DISC1: variants seen among roughly 807,000 people sequenced by gnomAD.
The protein encoded by DISC1 is DISC1 scaffold protein.
A neutral mutation model predicts 84.5 loss-of-function variants in DISC1; 57 were observed. The ratio of observed to expected loss-of-function variants is 0.67; its 90% CI spans 0.55 to 0.84. The LOEUF is 0.84. DISC1 is among the 40% of genes least tolerant of loss of function. DISC1 has a pLI of 0.00. For missense variants in DISC1, 1,000 were observed against 1,057.8 expected, an observed-to-expected ratio of 0.95 and a Z score of 0.76; for synonymous variants, 411 against 415.2, an observed-to-expected ratio of 0.99 and a Z score of 0.12.
intron 10 of DISC1, among the ~76,000 whole-genome samples, chr1:231,969,601 T>TC (rs1245650948): frequency 5.5e-5 from 8 of 144,990 alleles, no homozygotes; most frequent in African/African-American, 2.0e-4. Flanking sequence ...TTTCTTTCTT[T>TC]TTTTTTTTTT....
At chr1:232,021,989 A>C (rs1392448714) in intron 11 of DISC1, among the ~76,000 whole-genome samples, 1 of 152,140 alleles carries the variant, frequency 6.6e-6, no homozygotes, top group Non-Finnish European at 1.5e-5. Flanking sequence ...CACAACATGG[A>C]GACTGGGTTC....
intron 6 of DISC1, among the ~76,000 whole-genome samples, chr1:231,785,535 C>A (rs1240087110): frequency 6.6e-6 from 1 of 152,046 alleles, no homozygotes; most frequent in Non-Finnish European, 1.5e-5. Flanking sequence ...CTCAAGTGAT[C>A]TGCCCATCTT....
rs1487697406 is a variant in DISC1 at position 232,036,243 on chromosome 1, C to T, written c.2426-449C>T. Among the ~76,000 whole-genome samples, 5 of 152,168 alleles carry T rather than the reference C, an allele frequency of 3.3e-5. No individual in the cohort carries two copies. The East Asian group carries it at 7.7e-4, about 23-fold the overall frequency. ...TAACTGAGTCTGCTCCAGTATGCCT[C>T]TCCCTACTTATGGCAACCCCAAATC... On this transcript the variant is annotated intron_variant, in intron 12 of 12. Coordinates refer to ENST00000439617, the MANE Select transcript of DISC1 (RefSeq NM_018662.3).
chr1:231,950,204 C>G (rs945611142), intron 9 of DISC1, among the ~76,000 whole-genome samples: 155 of 139,524 alleles, frequency 1.1e-3, no homozygotes, highest in Non-Finnish European at 1.9e-3. Context: ...AAAAAAAATT[C>G]TGTGTGTGTG....
intron 6 of DISC1, among the ~76,000 whole-genome samples, chr1:231,782,887 A>G (rs1407745167): frequency 6.6e-6 from 1 of 152,144 alleles, no homozygotes; most frequent in Non-Finnish European, 1.5e-5. Flanking sequence ...GGTTGCAGTG[A>G]GTGGAGATCG....
chr1:232,015,079 A>G (rs1668359224), intron 11 of DISC1, among the ~76,000 whole-genome samples: 1 of 152,186 alleles, frequency 6.6e-6, no homozygotes, highest in Non-Finnish European at 1.5e-5. Flanking sequence ...AGCAGAGTCC[A>G]GGGACAAGCT....
At chr1:232,032,683 T>G (rs1183083077) in intron 12 of DISC1, among the ~76,000 whole-genome samples, 1 of 152,240 alleles carries the variant, frequency 6.6e-6, no homozygotes, top group East Asian at 1.9e-4. Flanking sequence ...ACAGGCTTCA[T>G]AAGAATTATT....
chr1:231,910,434 T>C (rs970323327), intron 9 of DISC1, among the ~76,000 whole-genome samples: 63 of 152,192 alleles, frequency 4.1e-4, no homozygotes, highest in African/African-American at 1.4e-3. Flanking sequence ...CGTTATGTAC[T>C]CAGTAGTCAT....
At chr1:231,906,228 G>A (rs1370729207) in intron 9 of DISC1, among the ~76,000 whole-genome samples, 1 of 152,080 alleles carries the variant, frequency 6.6e-6, no homozygotes, top group Non-Finnish European at 1.5e-5. Flanking sequence ...CTCCATGTTG[G>A]TCAGGCTAGT....
chr1:231,953,792 C>T (rs1256644708), intron 9 of DISC1, among the ~76,000 whole-genome samples: 1 of 152,108 alleles, frequency 6.6e-6, no homozygotes, highest in Non-Finnish European at 1.5e-5. Context: ...CTGGGGAGGT[C>T]CCTTTGGCTT....
In DISC1 at chr1:231,903,705, G is replaced by A. The variant is rs1048380331; in HGVS notation, c.1982-55123G>A. Among the ~76,000 whole-genome samples the A allele has an allele frequency of 1.4e-4, 22 of 152,204 alleles. No homozygotes were observed. In the South Asian group the frequency reaches 2.1e-3, roughly 14 times the overall value. ...AGGCCTTTAGGCCACAGTGTGTTGG[G>A]CATCTGTGAGGAGCTGCTAGGAGGC... is the stretch of plus-strand genomic sequence containing the variant. On this transcript the variant is annotated intron_variant, in intron 9 of 12. Coordinates refer to ENST00000439617, the MANE Select transcript of DISC1 (RefSeq NM_018662.3).
chr1:232,033,904 C>A (rs1670281501), intron 12 of DISC1, among the ~76,000 whole-genome samples: 3 of 152,134 alleles, frequency 2.0e-5, no homozygotes, highest in Admixed American at 6.5e-5. Context: ...CCTCCTGAAG[C>A]CTTTTTCTAG....
chr1:231,834,182 G>A (rs945071624), intron 9 of DISC1, among the ~76,000 whole-genome samples: 8 of 152,186 alleles, frequency 5.3e-5, no homozygotes, highest in Admixed American at 3.3e-4. Context: ...GTCATGGAAC[G>A]AAACTGTAAG....
At chr1:231,762,249 T>C (rs1279156004) in intron 4 of DISC1, among the ~76,000 whole-genome samples, 48 of 40,394 alleles carry the variant, frequency 1.2e-3, no homozygotes, top group African/African-American at 4.2e-3. Flanking sequence ...TTTTCTTTTC[T>C]TTTCTTTATT....
intron 11 of DISC1, among the ~76,000 whole-genome samples, chr1:232,013,525 A>G (rs1435122245): frequency 1.3e-5 from 2 of 152,240 alleles, no homozygotes; most frequent in East Asian, 3.8e-4. Context: ...CGAGAAAAAC[A>G]TAACACATTT....
intron 7 of DISC1, among the ~76,000 whole-genome samples, chr1:231,796,294 G>C (rs1443788800): frequency 4.6e-5 from 7 of 151,916 alleles, no homozygotes; most frequent in Non-Finnish European, 7.4e-5. Context: ...AACTGGGTAT[G>C]AATCATTCAT....
intron 9 of DISC1, among the ~76,000 whole-genome samples, chr1:231,890,778 A>G (rs1289613984): frequency 6.6e-6 from 1 of 152,240 alleles, no homozygotes; most frequent in African/African-American, 2.4e-5. Context: ...AAATGATACC[A>G]TATCCTCGTG....
chr1:231,997,261 A>G (rs1666075066), intron 10 of DISC1, among the ~76,000 whole-genome samples: 1 of 152,198 alleles, frequency 6.6e-6, no homozygotes. Flanking sequence ...TATTCCAGTC[A>G]TTATACTGCA....
intron 11 of DISC1, among the ~76,000 whole-genome samples, chr1:232,019,088 G>A (rs201622099): frequency 7.9e-5 from 12 of 152,166 alleles, no homozygotes; most frequent in Non-Finnish European, 1.5e-4. Flanking sequence ...AAGGTAGGAC[G>A]ACGGAGGCAG....
Sources: gnomAD v4.1 joint callset for allele counts (sites outside exome capture counted in the v4.1 genomes callset) on GRCh38, gnomAD v4.1.1 for gene constraint, MANE v1.5 for transcripts, NCBI Gene and HGNC (gene_info 2026-07-23, HGNC 2026-07-21) for gene names.